The following ABCC6 variants were observed in gnomAD, a reference collection of about 807,000 sequenced individuals.
ABCC6 encodes the protein ATP binding cassette subfamily C member 6, also known as ATP-binding cassette sub-family C member 6.
A neutral mutation model predicts 169.5 loss-of-function variants in ABCC6; 126 were observed. That is an observed-to-expected ratio of 0.74 (90% confidence interval 0.64 to 0.86). ABCC6 has a LOEUF of 0.86. ABCC6 is among the 40% of genes least tolerant of loss of function. The pLI is 0.00. For missense variants in ABCC6, 1,733 were observed against 1,927.2 expected (o/e 0.90, Z 1.89); for synonymous variants, 752 against 814.7 (o/e 0.92, Z 1.31).
intron 20 of ABCC6, among the ~76,000 whole-genome samples, chr16:16,175,619 C>A (rs924002218): frequency 6.6e-6 from 1 of 152,192 alleles, no homozygotes; most frequent in South Asian, 2.1e-4. Flanking sequence ...TGCCCTACTG[C>A]AGCATTCAGA....
At chr16:16,195,271 A>G (rs2047995449) in intron 10 of ABCC6, among the ~76,000 whole-genome samples, 1 of 145,470 alleles carries the variant, frequency 6.9e-6, no homozygotes, top group African/African-American at 2.6e-5. Flanking sequence ...AACATGGTGC[A>G]TTATCTATGG....
rs539937971 is a variant in ABCC6, at chr16:16,153,986, G to A, written c.4208+642C>T. On this transcript the variant is annotated intron_variant, in intron 29 of 30. Transcript: ENST00000205557. ...CCACACAGCTTTTTGTTGTTGAGACGAAGCCCAGGATGGAGTGCAGTGGTG... is the reference window on the plus strand; with the variant it reads ...CCACACAGCTTTTTGTTGTTGAGACAAAGCCCAGGATGGAGTGCAGTGGTG... Among the ~76,000 whole-genome samples, 299 of 151,576 alleles carry A rather than the reference G, an allele frequency of 2.0e-3. 3 individuals carry two copies. Among genetic ancestry groups the A allele is most frequent in the Non-Finnish European group, 3.3e-3 (227 of 67,910 alleles).
At chr16:16,169,324 A>G (rs2046982550) in intron 22 of ABCC6, among the ~76,000 whole-genome samples, 1 of 152,102 alleles carries the variant, frequency 6.6e-6, no homozygotes. Flanking sequence ...GCGGTGATGC[A>G]TTTGTTAGGG....
At chr16:16,206,998 G>C (rs544822464) in intron 7 of ABCC6, among the ~76,000 whole-genome samples, 6 of 152,320 alleles carry the variant, frequency 3.9e-5, no homozygotes, top group African/African-American at 1.4e-4. Context: ...AAATCAGCTA[G>C]ATGTGGTGGC....
chr16:16,187,753 G>A (rs1400702000), intron 13 of ABCC6, among the ~76,000 whole-genome samples: 3 of 152,038 alleles, frequency 2.0e-5, no homozygotes, highest in Non-Finnish European at 4.4e-5. Flanking sequence ...AAATTAGCCG[G>A]ATGTGGTGGC....
chr16:16,221,475 C>A (rs8058435), intron 2 of ABCC6, 174 bp downstream of exon 2: 77,134 of 1,454,856 alleles, frequency 0.053, 4,515 homozygotes, highest in East Asian at 0.3. Context: ...TTTGGGAGAA[C>A]CGTGTTCCAC....
intron 22 of ABCC6, 105 bp downstream of exon 22, chr16:16,169,539 CTG>C: frequency 7.4e-7 from 1 of 1,349,168 alleles, no homozygotes; most frequent in Non-Finnish European, 1.0e-6. Context: ...GTTTTGCACA[CTG>C]TTCCAGGGGG....
At chr16:16,157,064 G>A (rs1437529489) in intron 27 of ABCC6, among the ~76,000 whole-genome samples, 1 of 151,976 alleles carries the variant, frequency 6.6e-6, no homozygotes, top group African/African-American at 2.4e-5. Context: ...GAGGGAGGGA[G>A]GAAAGGGATT....
chr16:16,189,092 G>A, intron 12 of ABCC6, 118 bp from the exon 13 acceptor site: 4 of 1,203,068 alleles, frequency 3.3e-6, no homozygotes, highest in Non-Finnish European at 1.2e-6. Flanking sequence ...GTCCGCATGT[G>A]CTTCCCTCCG....
At chr16:16,204,079 C>T (rs1442628336) in intron 7 of ABCC6, among the ~76,000 whole-genome samples, 3 of 149,660 alleles carry the variant, frequency 2.0e-5, no homozygotes, top group Admixed American at 6.7e-5. Flanking sequence ...TTTTTTGAGA[C>T]GAAGTCTTGC....
rs372710375 is a variant in ABCC6 at position 16,159,472 on chromosome 16, C to T, written c.3735+10G>A. 6.3e-5 allele frequency: 102 copies of T among 1,613,298 alleles called. 1 individual carries two copies. In the South Asian group the frequency reaches 7.5e-4, roughly 12 times the overall value. ...TTGCTGGGACCCCCTCCCCACCTCC[C>T]GCCCATCACCTCCTTGGGCGTCCAG... On this transcript the variant is annotated intron_variant, in intron 26 of 30. Coordinates refer to ENST00000205557, the MANE Select transcript of ABCC6 (RefSeq NM_001171.6).
intron 20 of ABCC6, among the ~76,000 whole-genome samples, chr16:16,173,786 C>G (rs1193041295): frequency 1.3e-5 from 2 of 151,814 alleles, no homozygotes; most frequent in Non-Finnish European, 2.9e-5. Context: ...GCCTCAGCCT[C>G]CCAAAGTGCT....
At chr16:16,171,949 T>A in intron 21 of ABCC6, among the ~76,000 whole-genome samples, 1 of 96,870 alleles carries the variant, frequency 1.0e-5, no homozygotes, top group East Asian at 3.3e-4. Flanking sequence ...GTGGGATGGA[T>A]AAATGAGTGG....
At chr16:16,191,702 C>G (rs1266599191) in intron 11 of ABCC6, among the ~76,000 whole-genome samples, 1 of 145,986 alleles carries the variant, frequency 6.8e-6, no homozygotes, top group African/African-American at 2.6e-5. Context: ...CCTTCTCTTC[C>G]GCCCTCAATT....
chr16:16,167,106 G>C (rs185431279), intron 22 of ABCC6, among the ~76,000 whole-genome samples: 51 of 152,268 alleles, frequency 3.3e-4, no homozygotes, highest in African/African-American at 1.2e-3. Context: ...TGTATGCCTG[G>C]GGTGGGGCTA....
rs1034709619 is a variant in ABCC6 at position 16,165,508 on chromosome 16, A to C, written c.3306+115T>G. The C allele has an allele frequency of 5.4e-6, 6 of 1,104,934 alleles. No homozygotes were observed. In the African/African-American group the frequency reaches 9.4e-5, roughly 17 times the overall value. The allele number at this position is 1,104,934 out of a possible 1,614,324, so 68.4% of individuals were successfully genotyped here. ...GTCCCTGTCCCTGGGAATTCTAGGA[A>C]CAGCCCCTAGATGTCCAGCTGGGTG... On this transcript the variant is annotated intron_variant, in intron 23 of 30. Transcript: ENST00000205557.
intron 26 of ABCC6, 40 bp from the exon 27 acceptor site, chr16:16,157,849 C>G (rs752924031): frequency 6.3e-7 from 1 of 1,591,688 alleles, no homozygotes; most frequent in Non-Finnish European, 8.5e-7. Context: ...GAGCCTTCCT[C>G]TAAGACTTCA....
At chr16:16,175,078 C>G (rs1390242542) in intron 20 of ABCC6, among the ~76,000 whole-genome samples, 3 of 152,036 alleles carry the variant, frequency 2.0e-5, no homozygotes, top group African/African-American at 7.2e-5. Flanking sequence ...CATGCCCAGC[C>G]TTAATGTGTC....
In ABCC6 at chr16:16,165,712, G is replaced by T; in HGVS notation, c.3217C>A (p.Leu1073Ile). ...LRSLLMYAFG[L>I]LEVSLVVAVA... ...GCCACCACCAGGCTGACCTCCAGGAGTCCAAAGGCGTACATCAGCAGGGAC... is the reference window on the plus strand; with the variant it reads ...GCCACCACCAGGCTGACCTCCAGGATTCCAAAGGCGTACATCAGCAGGGAC... Residue 1073 changes from leucine to isoleucine, a missense_variant, in exon 23 of 31, where the codon CTC becomes ATC. Physicochemically the swap from Leu to Ile is conservative, Grantham distance 5 (BLOSUM62 2). Around this residue, in one of 5 missense-constraint regions of ABCC6, gnomAD observed 1,601 missense variants for 1,635.5 expected, o/e 0.98. Transcript: ENST00000205557. 2 of 1,613,580 alleles carry T rather than the reference G, an allele frequency of 1.2e-6. No homozygotes were observed. Among genetic ancestry groups the T allele is most frequent in the Non-Finnish European group, 1.7e-6 (2 of 1,180,042 alleles).
Sources: allele counts gnomAD v4.1 joint callset (sites outside exome capture counted in the v4.1 genomes callset), GRCh38; gene constraint gnomAD v4.1.1; regional missense constraint gnomAD v4.1.1; transcripts MANE v1.5; gene names NCBI Gene and HGNC (gene_info 2026-07-23, HGNC 2026-07-21).